CT47B1: variants seen among roughly 807,000 people sequenced by gnomAD.
CT47B1 encodes the protein cancer/testis CT47 family, member 13.
Under a neutral mutation model 12.8 loss-of-function variants are expected in CT47B1, and 24 were observed. That is an observed-to-expected ratio of 1.87 (90% CI 1.36 to 2.63). The LOEUF is 2.63. Ranked by LOEUF, CT47B1 falls within the 30% of genes most tolerant of loss-of-function variation. CT47B1 has a pLI of 0.00. For missense variants in CT47B1, 523 were observed against 271.3 expected, an observed-to-expected ratio of 1.93 and a Z score of -6.52; for synonymous variants, 228 against 133.3, an observed-to-expected ratio of 1.71 and a Z score of -4.89.
chrX:120,875,115 C>G lies in CT47B1; in HGVS notation c.556G>C (p.Gly186Arg). The G allele has an allele frequency of 8.3e-7, 1 of 1,210,151 alleles. No individual in the cohort carries two copies. Among genetic ancestry groups the G allele is most frequent in the Non-Finnish European group, 1.1e-6 (1 of 894,705 alleles). Reference protein sequence around the residue: ...GAGAAAPEGEGLGLIQEAASV... With the variant: ...GAGAAAPEGERLGLIQEAASV... ...GCAGCCTCCTGGATCAGGCCGAGGCCCTCGCCTTCTGGGGCTGCAGCCCCT... is the reference window on the plus strand; with the variant it reads ...GCAGCCTCCTGGATCAGGCCGAGGCGCTCGCCTTCTGGGGCTGCAGCCCCT... The change falls in exon 1 of 3, where the codon GGC becomes CGC. Residue 186 changes from glycine (G) to arginine (R), a missense_variant. Transcript: ENST00000371311.
At chrX:120,874,598 G>A (rs1235776074) in intron 1 of CT47B1, among the ~76,000 whole-genome samples, 2 of 110,793 alleles carry the variant, frequency 1.8e-5, no homozygotes, top group Non-Finnish European at 1.9e-5. Flanking sequence ...TATCTACCTG[G>A]CCATTCATCT....
At position 120,875,385 on chromosome X, in the gene CT47B1, C is replaced by T; in HGVS notation, c.286G>A (p.Glu96Lys). The T allele has an allele frequency of 8.3e-7, 1 of 1,208,865 alleles. No homozygotes were observed. The highest frequency in any genetic ancestry group is 1.1e-6 in the Non-Finnish European group (1 of 893,903). Reference sequence around the variant, plus strand: ...GCCGCCTCGTTCCCCTCTTCCTCCTCCTCCTCTTCCTCCGTCGCGGGCCCG... The same window carrying T: ...GCCGCCTCGTTCCCCTCTTCCTCCTTCTCCTCTTCCTCCGTCGCGGGCCCG... ...DIGPATEEEE[E>K]EEEGNEAANF... The change falls in exon 1 of 3, where the codon GAG (glutamate) becomes AAG (lysine). Residue 96 changes from glutamate to lysine, a missense_variant. Glu to Lys is a moderately conservative substitution (Grantham distance 56). Transcript: ENST00000371311.
intron 1 of CT47B1, 113 bp downstream of exon 1, chrX:120,874,783 C>T: frequency 1.8e-6 from 2 of 1,101,678 alleles, no homozygotes; most frequent in Non-Finnish European, 2.4e-6. Context: ...CCACCCGAGG[C>T]CCCGACCCCC....
chrX:120,874,803 C>G, intron 1 of CT47B1, 93 bp downstream of exon 1: 2 of 1,142,087 alleles, frequency 1.8e-6, no homozygotes, highest in South Asian at 4.1e-5. Flanking sequence ...CCTTCACCAC[C>G]CGCTTCACCA....
intron 2 of CT47B1, among the ~76,000 whole-genome samples, chrX:120,873,181 T>TA: frequency 1.0e-5 from 1 of 100,083 alleles, no homozygotes; most frequent in South Asian, 4.0e-4. Flanking sequence ...AAGAAGCCGT[T>TA]ACGAAATATA....
Position 120,875,323 on chromosome X carries a change from C to G in CT47B1, c.348G>C (p.Pro116=), listed in dbSNP as rs751804328. ...GGAACACGAAGCCAATGCCCGCCGC[C>G]GGGTACCGACGGGTGGCCACCGCCA... ...FDLAVATRRY[P]AAGIGFVFLY... is the part of the protein sequence containing the mutation. Residue 116 remains proline (P), a synonymous_variant, in exon 1 of 3, where the codon CCG becomes CCC. Transcript: ENST00000371311. 8.3e-7 allele frequency: 1 copy of G among 1,210,198 alleles called. No individual in the cohort carries two copies. Among genetic ancestry groups the G allele is most frequent in the South Asian group, 1.8e-5 (1 of 56,891 alleles).
chrX:120,875,487 C>A lies in CT47B1; in HGVS notation c.184G>T (p.Gly62Trp), dbSNP rs771475456. The A allele has an allele frequency of 8.3e-7, 1 of 1,202,080 alleles. No individual in the cohort carries two copies. Among genetic ancestry groups the A allele is most frequent in the Non-Finnish European group, 1.1e-6 (1 of 894,219 alleles). ...VGVAGPVEGL[G>W]EEEGEQAAGL... ...GCCGCCTGCTCACCCTCCTCCTCCC[C>A]GAGGCCTTCCACGGGCCCTGCGACT... Residue 62 changes from glycine to tryptophan, a missense_variant, in exon 1 of 3, where the codon GGG becomes TGG. Gly to Trp is a radical substitution (Grantham distance 184). Coordinates refer to ENST00000371311, the MANE Select transcript of CT47B1 (RefSeq NM_001145718.3).
In CT47B1 at chrX:120,875,429, G is replaced by C. The variant is rs748921762; in HGVS notation, c.242C>G (p.Ala81Gly). Reference sequence around the variant, plus strand: ...GGGCCCGATATCTGAGTCCTCCTCGGCGCTCCCGCCCTGGGGGACTGCGGC... The same window carrying C: ...GGGCCCGATATCTGAGTCCTCCTCGCCGCTCCCGCCCTGGGGGACTGCGGC... ...GLAAVPQGGSAEEDSDIGPAT... is the reference protein window; with the variant it reads ...GLAAVPQGGSGEEDSDIGPAT... The change falls in exon 1 of 3, where the codon GCC becomes GGC. Residue 81 changes from alanine (A) to glycine (G), a missense_variant. By Grantham distance (60) the Ala-to-Gly change is moderately conservative (BLOSUM62 0). Coordinates refer to ENST00000371311, the MANE Select transcript of CT47B1 (RefSeq NM_001145718.3). The C allele has an allele frequency of 8.3e-7, 1 of 1,207,834 alleles. No individual in the cohort carries two copies. The highest frequency in any genetic ancestry group is 2.2e-5 in the Admixed American group (1 of 45,983).
At position 120,873,940 on chromosome X, in the gene CT47B1, C is replaced by A. The variant is rs753346461; in HGVS notation, c.856G>T (p.Glu286Ter). Reference protein sequence around the residue: ...AGEEEKEQEKEKDVENKVKNS... With the variant: ...AGEEEKEQEK Reference sequence around the variant, plus strand: ...TTCACCTTGTTTTCCACATCCTTCTCTTTTTCTTGTTCTTTCTCTTCCTCG... The same window carrying A: ...TTCACCTTGTTTTCCACATCCTTCTATTTTTCTTGTTCTTTCTCTTCCTCG... The change falls in exon 2 of 3, where the codon GAG becomes TAG. Residue 286 changes from glutamate (E) to a stop codon, truncating the protein, a stop_gained. Coordinates refer to ENST00000371311, the MANE Select transcript of CT47B1 (RefSeq NM_001145718.3). LOFTEE classifies it high-confidence loss of function. 11 of 1,168,471 alleles carry A rather than the reference C, an allele frequency of 9.4e-6. No individual in the cohort carries two copies. The highest frequency in any genetic ancestry group is 1.2e-5 in the Non-Finnish European group (11 of 883,330).
In CT47B1 at chrX:120,873,375, A is replaced by G. The variant is rs770660051; in HGVS notation, c.*31+490T>C. ...AATAAATATATAGGTATTAGTCATT[A>G]ATTGTGGTCCTACTTGAAATTCTTA... On this transcript the variant is annotated intron_variant, in intron 2 of 2. Coordinates refer to ENST00000371311, the MANE Select transcript of CT47B1 (RefSeq NM_001145718.3). Among the ~76,000 whole-genome samples the G allele has an allele frequency of 1.3e-4, 13 of 97,568 alleles. 4 individuals are homozygous for G. The allele number at this position is 97,568 out of a possible 115,157, so 84.7% of individuals were successfully genotyped here. A position where few individuals can be genotyped will look rare whatever the true frequency, so the allele number is the denominator to read the frequency against.
chrX:120,874,283 C>A (rs1212463543), intron 1 of CT47B1, among the ~76,000 whole-genome samples: 2 of 107,526 alleles, frequency 1.9e-5, no homozygotes, highest in Admixed American at 2.0e-4. Flanking sequence ...CTGATTATTT[C>A]TAGTTCTTTG....
At position 120,875,303 on chromosome X, in the gene CT47B1, A is replaced by T. The variant is rs1923939106; in HGVS notation, c.368T>A (p.Val123Glu). ...RRYPAAGIGF[V>E]FLYLVHSLLR... Reference sequence around the variant, plus strand: ...AAGGGAGTGGACCAGGTACAGGAACACGAAGCCAATGCCCGCCGCCGGGTA... The same window carrying T: ...AAGGGAGTGGACCAGGTACAGGAACTCGAAGCCAATGCCCGCCGCCGGGTA... Residue 123 changes from valine to glutamate, a missense_variant, in exon 1 of 3, where the codon GTG becomes GAG. Physicochemically the swap from Val to Glu is moderately radical, Grantham distance 121. Transcript: ENST00000371311. 4 of 1,210,199 alleles carry T rather than the reference A, an allele frequency of 3.3e-6. No individual in the cohort carries two copies. The highest frequency in any genetic ancestry group is 3.5e-5 in the South Asian group (2 of 56,888).
At position 120,874,883 on chromosome X, in the gene CT47B1, C is replaced by A. The variant is rs759076872; in HGVS notation, c.775+13G>T. On this transcript the variant is annotated intron_variant, in intron 1 of 2. Coordinates refer to ENST00000371311, the MANE Select transcript of CT47B1 (RefSeq NM_001145718.3). ...GATCCCCGCTTCCCCGCTGCTGCCG[C>A]TAGCCCCCTTACCCTCGGGGGCCAC... The A allele has an allele frequency of 2.5e-6, 3 of 1,208,103 alleles. No individual in the cohort carries two copies. In the African/African-American group the frequency reaches 5.2e-5, roughly 21 times the overall value.
Position 120,875,564 on chromosome X carries a change from C to G in CT47B1, c.107G>C (p.Gly36Ala), listed in dbSNP as rs1199544594. The G allele has an allele frequency of 1.7e-6, 2 of 1,188,797 alleles. No homozygotes were observed. The highest frequency in any genetic ancestry group is 3.6e-5 in the African/African-American group (2 of 55,500). ...EAAGAGNQEG[G>A]DSGPDSSDMV... ...GTCGCTGCTGTCGGGGCCGGAGTCG[C>G]CGCCCTCCTGGTTACCAGCTCCGGC... The change falls in exon 1 of 3, where the codon GGC becomes GCC. Residue 36 changes from glycine (G) to alanine (A), a missense_variant. Transcript: ENST00000371311.
chrX:120,875,570 T>A lies in CT47B1; in HGVS notation c.101A>T (p.Glu34Val). ...QAEAAGAGNQ[E>V]GGDSGPDSSD... is the part of the protein sequence containing the mutation. The stretch of plus-strand genomic sequence containing the variant: ...GCTGTCGGGGCCGGAGTCGCCGCCC[T>A]CCTGGTTACCAGCTCCGGCCGCCTC... Residue 34 changes from glutamate (E) to valine (V), a missense_variant, in exon 1 of 3, where the codon GAG becomes GTG. Coordinates refer to ENST00000371311, the MANE Select transcript of CT47B1 (RefSeq NM_001145718.3). 8.4e-7 allele frequency: 1 copy of A among 1,191,884 alleles called. No individual in the cohort carries two copies. Among genetic ancestry groups the A allele is most frequent in the South Asian group, 1.8e-5 (1 of 56,448 alleles).
In CT47B1 at chrX:120,874,901, G is replaced by A. The variant is rs750238836; in HGVS notation, c.770C>T (p.Pro257Leu). 6.6e-6 allele frequency: 8 copies of A among 1,207,570 alleles called. No homozygotes were observed. Among genetic ancestry groups the A allele is most frequent in the African/African-American group, 3.5e-5 (2 of 57,238 alleles). The change falls in exon 1 of 3, where the codon CCC becomes CTC. Residue 257 changes from proline to leucine, a missense_variant. Coordinates refer to ENST00000371311, the MANE Select transcript of CT47B1 (RefSeq NM_001145718.3). ...GCTGCCGCTAGCCCCCTTACCCTCG[G>A]GGGCCACGGCCTCCTCTGAGGTCGG... The part of the protein sequence containing the change: ...EEPTSEEAVA[P>L]EEVTKSQPEK...
chrX:120,874,893 T>C lies in CT47B1; in HGVS notation c.775+3A>G, dbSNP rs762560086. On this transcript the variant is annotated splice_donor_region_variant and intron_variant, in intron 1 of 2. Transcript: ENST00000371311. ...TCCCCGCTGCTGCCGCTAGCCCCCT[T>C]ACCCTCGGGGGCCACGGCCTCCTCT... The C allele has an allele frequency of 6.6e-5, 80 of 1,206,965 alleles. No individual in the cohort carries two copies. The highest frequency in any genetic ancestry group is 1.5e-4 in the Admixed American group (7 of 45,789).
intron 1 of CT47B1, 99 bp downstream of exon 1, chrX:120,874,797 C>G (rs1195952449): frequency 2.2e-5 from 25 of 1,132,881 alleles, no homozygotes; most frequent in Non-Finnish European, 2.7e-5. Flanking sequence ...GACCCCCCTT[C>G]ACCACCCGCT....
rs762182130 is a variant in CT47B1 at position 120,875,126 on chromosome X, G to A, written c.545C>T (p.Pro182Leu). ...SQRLGAGAAA[P>L]EGEGLGLIQE... is the part of the protein sequence containing the mutation. The stretch of plus-strand genomic sequence containing the variant: ...GATCAGGCCGAGGCCCTCGCCTTCT[G>A]GGGCTGCAGCCCCTGCACCCAGCCT... The change falls in exon 1 of 3, where the codon CCA (proline) becomes CTA (leucine). Residue 182 changes from proline to leucine, a missense_variant. Pro to Leu is a moderately conservative substitution (Grantham distance 98). Coordinates refer to ENST00000371311, the MANE Select transcript of CT47B1 (RefSeq NM_001145718.3). 8 of 1,210,134 alleles carry A rather than the reference G, an allele frequency of 6.6e-6. No individual in the cohort carries two copies. The highest frequency in any genetic ancestry group is 5.6e-6 in the Non-Finnish European group (5 of 894,592).
Sources: gnomAD v4.1 joint callset for allele counts (sites outside exome capture counted in the v4.1 genomes callset) on GRCh38, gnomAD v4.1.1 for gene constraint, MANE v1.5 for transcripts, NCBI Gene and HGNC (gene_info 2026-07-23, HGNC 2026-07-21) for gene names.